MORF4L1: variants seen among roughly 807,000 people sequenced by gnomAD.
MORF4L1 encodes mortality factor 4-like protein 1.
Under a neutral mutation model 52.9 loss-of-function variants are expected in MORF4L1, and 4 were observed. The observed-to-expected ratio is 0.08, with a 90% CI of 0.04 to 0.17. MORF4L1 has a LOEUF of 0.17. Ranked by LOEUF, MORF4L1 falls within the 10% of genes least tolerant of loss-of-function variation. MORF4L1 has a pLI of 1.00. For synonymous variants in MORF4L1, 123 were observed against 134.8 expected, an observed-to-expected ratio of 0.91 and a Z score of 0.61; for missense variants, 214 against 390.4, an observed-to-expected ratio of 0.55 and a Z score of 3.81.
In MORF4L1 at chr15:78,880,462, T is replaced by C. The variant is rs768536344; in HGVS notation, c.88-50T>C. ...TTTGAAGGATGATTTGAAAAGGTAG[T>C]GTCTTTAAAAAATTTCTAAGTGAAT... On this transcript the variant is annotated intron_variant, in intron 2 of 11. Coordinates refer to ENST00000426013, the MANE Select transcript of MORF4L1 (RefSeq NM_006791.4). 5 of 1,355,162 alleles carry C rather than the reference T, an allele frequency of 3.7e-6. No individual in the cohort carries two copies. In the South Asian group the frequency reaches 5.0e-5, roughly 14 times the overall value. 83.9% of individuals were successfully genotyped at this position (1,355,162 alleles called of 1,614,324 possible). A position where few individuals can be genotyped will look rare whatever the true frequency, so the allele number is the denominator to read the frequency against.
intron 3 of MORF4L1, among the ~76,000 whole-genome samples, chr15:78,883,083 C>T (rs1212919691): frequency 6.6e-6 from 1 of 151,786 alleles, no homozygotes; most frequent in Non-Finnish European, 1.5e-5. Flanking sequence ...GGTGTGGTGG[C>T]ACACGACTGT....
intron 1 of MORF4L1, among the ~76,000 whole-genome samples, chr15:78,874,458 C>T (rs973878321): frequency 1.4e-4 from 22 of 152,150 alleles, no homozygotes; most frequent in African/African-American, 5.1e-4. Context: ...CCTCTGCCCC[C>T]CACCCGGGCT....
chr15:78,891,066 A>G (rs2056793068), intron 6 of MORF4L1, 52 bp downstream of exon 6: 2 of 1,451,728 alleles, frequency 1.4e-6, no homozygotes, highest in Non-Finnish European at 1.9e-6. Flanking sequence ...TATGACATTG[A>G]CGTTTTTATT....
intron 1 of MORF4L1, 24 bp downstream of exon 1, chr15:78,873,081 A>G (rs1596234268): frequency 1.3e-6 from 2 of 1,550,094 alleles, no homozygotes; most frequent in Non-Finnish European, 1.7e-6. Flanking sequence ...TTTGGGAAAA[A>G]GGCACCTAAC....
intron 2 of MORF4L1, among the ~76,000 whole-genome samples, chr15:78,879,393 T>C (rs2056557603): frequency 6.6e-6 from 1 of 152,132 alleles, no homozygotes; most frequent in Non-Finnish European, 1.5e-5. Context: ...GGCTAATTTT[T>C]GTAGTTTTAG....
At chr15:78,877,156 T>C (rs944522057) in intron 1 of MORF4L1, among the ~76,000 whole-genome samples, 5 of 130,868 alleles carry the variant, frequency 3.8e-5, no homozygotes, top group African/African-American at 1.4e-4. Flanking sequence ...GGCGGCTCCT[T>C]CTCACCCAGG....
intron 5 of MORF4L1, among the ~76,000 whole-genome samples, chr15:78,887,919 C>T (rs2056734911): frequency 6.6e-6 from 1 of 152,170 alleles, no homozygotes; most frequent in South Asian, 2.1e-4. Context: ...GCGGGGATTA[C>T]AGGCGTGTGC....
intron 5 of MORF4L1, among the ~76,000 whole-genome samples, chr15:78,889,553 A>G (rs1272660523): frequency 6.6e-6 from 1 of 152,150 alleles, no homozygotes; most frequent in Non-Finnish European, 1.5e-5. Flanking sequence ...TTAGTTTTAT[A>G]TTACAGAGGT....
chr15:78,878,155 G>A, intron 1 of MORF4L1, 58 bp from the exon 2 acceptor site: 12 of 1,533,648 alleles, frequency 7.8e-6, no homozygotes, highest in Non-Finnish European at 1.1e-5. Flanking sequence ...TCTCTAAGAT[G>A]TTAATCTTTT....
At chr15:78,892,407 T>A in intron 8 of MORF4L1, 94 bp downstream of exon 8, 1 of 762,618 alleles carries the variant, frequency 1.3e-6, no homozygotes, top group Non-Finnish European at 2.2e-6. Flanking sequence ...TGACTTGAAT[T>A]ATTAAGGTAT....
At chr15:78,876,698 G>A (rs2056498964) in intron 1 of MORF4L1, 18 of 382,044 alleles carry the variant, frequency 4.7e-5, no homozygotes, top group South Asian at 3.3e-4. Context: ...ACCCATTTTA[G>A]TTCTCGTTCC....
intron 11 of MORF4L1, among the ~76,000 whole-genome samples, chr15:78,896,491 G>T (rs1265855481): frequency 2.6e-5 from 4 of 151,588 alleles, no homozygotes; most frequent in Non-Finnish European, 5.9e-5. Context: ...TGTGTCTTTA[G>T]TAGAGACGGG....
intron 1 of MORF4L1, among the ~76,000 whole-genome samples, chr15:78,877,301 A>G (rs1353998233): frequency 1.3e-5 from 2 of 152,022 alleles, no homozygotes; most frequent in African/African-American, 2.4e-5. Flanking sequence ...TTGTATTTTT[A>G]GAAGAGACAG....
At chr15:78,882,560 A>G (rs1046307187) in intron 3 of MORF4L1, among the ~76,000 whole-genome samples, 1 of 152,188 alleles carries the variant, frequency 6.6e-6, no homozygotes, top group African/African-American at 2.4e-5. Context: ...GCCTTGCTAA[A>G]ACTGCATTTC....
intron 3 of MORF4L1, among the ~76,000 whole-genome samples, chr15:78,883,048 C>G (rs1410123128): frequency 6.6e-6 from 1 of 152,066 alleles, no homozygotes; most frequent in Non-Finnish European, 1.5e-5. Context: ...AACCCCATCT[C>G]TACTAAAAAT....
chr15:78,879,621 T>A (rs2056563298), intron 2 of MORF4L1, among the ~76,000 whole-genome samples: 1 of 152,112 alleles, frequency 6.6e-6, no homozygotes, highest in Admixed American at 6.6e-5. Context: ...ATCTTAATGA[T>A]ATAATGTTTG....
chr15:78,884,639 C>CAAAA (rs71148577), intron 3 of MORF4L1, among the ~76,000 whole-genome samples: 2 of 89,512 alleles, frequency 2.2e-5, no homozygotes, highest in Non-Finnish European at 4.1e-5. Context: ...AACTCTGTCT[C>CAAAA]AAAAAAAAAA....
At chr15:78,891,392 A>C in intron 6 of MORF4L1, 92 bp from the exon 7 acceptor site, 2 of 961,130 alleles carry the variant, frequency 2.1e-6, no homozygotes, top group Non-Finnish European at 3.3e-6. Flanking sequence ...TAATGGAGAA[A>C]TAATGAAAAG....
chr15:78,889,695 C>G (rs1035630892), intron 5 of MORF4L1, among the ~76,000 whole-genome samples: 2 of 151,962 alleles, frequency 1.3e-5, no homozygotes, highest in Non-Finnish European at 2.9e-5. Context: ...AACTAACAGA[C>G]AAGAGAAAAC....
Sources: gnomAD v4.1 joint callset for allele counts (sites outside exome capture counted in the v4.1 genomes callset) on GRCh38, gnomAD v4.1.1 for gene constraint, MANE v1.5 for transcripts, NCBI Gene and HGNC (gene_info 2026-07-23, HGNC 2026-07-21) for gene names.